The following MECOM variants were observed in gnomAD, a reference collection of about 807,000 sequenced individuals.
MECOM encodes histone-lysine N-methyltransferase MECOM.
Under a neutral mutation model 116.3 loss-of-function variants are expected in MECOM, and 13 were observed. The observed-to-expected ratio is 0.11, with a 90% CI of 0.07 to 0.18. The LOEUF is 0.18. MECOM is among the 10% of genes least tolerant of loss of function. The pLI, the probability that MECOM is intolerant of heterozygous loss-of-function variation, is 1.00. For missense variants in MECOM, 1,299 were observed against 1,509.0 expected (o/e 0.86, Z 2.31); for synonymous variants, 528 against 535.2 (o/e 0.99, Z 0.19).
chr3:169,458,323 T>C (rs752599078), intron 1 of MECOM, among the ~76,000 whole-genome samples: 3 of 152,224 alleles, frequency 2.0e-5, no homozygotes, highest in Non-Finnish European at 2.9e-5. Flanking sequence ...TAAGCATATA[T>C]AGCTGTGGTG....
chr3:169,660,848 G>T (rs1776190358), intron 1 of MECOM, among the ~76,000 whole-genome samples: 2 of 152,192 alleles, frequency 1.3e-5, no homozygotes, highest in South Asian at 4.1e-4. Context: ...TGTAACTGAA[G>T]AATTGCAACG....
chr3:169,348,025 T>A (rs1725663373), intron 2 of MECOM, among the ~76,000 whole-genome samples: 1 of 152,130 alleles, frequency 6.6e-6, no homozygotes, highest in South Asian at 2.1e-4. Flanking sequence ...AATGGGCGAT[T>A]ATTTCTCTGC....
intron 1 of MECOM, among the ~76,000 whole-genome samples, chr3:169,434,875 C>T (rs12496329): frequency 0.5 from 75,864 of 152,008 alleles, 19,557 homozygotes; most frequent in East Asian, 0.83. Context: ...CAAGGAGTTT[C>T]TCAAATTTAA....
intron 1 of MECOM, among the ~76,000 whole-genome samples, chr3:169,644,358 G>A (rs1325275653): frequency 1.3e-5 from 2 of 152,058 alleles, no homozygotes; most frequent in Non-Finnish European, 2.9e-5. Flanking sequence ...CTGGATTCAA[G>A]CGATTCTCTT....
intron 2 of MECOM, 103 bp downstream of exon 2, chr3:169,381,084 C>A (rs1732309864): frequency 2.0e-6 from 2 of 1,023,070 alleles, no homozygotes; most frequent in Non-Finnish European, 2.8e-6. Context: ...CTGTTGAAAA[C>A]ATATTGTAAC....
intron 1 of MECOM, among the ~76,000 whole-genome samples, chr3:169,443,898 T>A (rs1744159848): frequency 6.6e-6 from 1 of 152,166 alleles, no homozygotes; most frequent in African/African-American, 2.4e-5. Flanking sequence ...CAGTTAGCTC[T>A]GGCTCCTCCA....
At chr3:169,307,095 A>G (rs1717857154) in intron 2 of MECOM, among the ~76,000 whole-genome samples, 2 of 152,304 alleles carry the variant, frequency 1.3e-5, no homozygotes, top group South Asian at 4.1e-4. Flanking sequence ...TTGATATTTC[A>G]TATCATTGGG....
chr3:169,379,850 A>G (rs1050940427), intron 2 of MECOM, among the ~76,000 whole-genome samples: 1 of 152,144 alleles, frequency 6.6e-6, no homozygotes, highest in African/African-American at 2.4e-5. Context: ...TTGGTTTAAA[A>G]CGTATTCAAC....
chr3:169,492,061 A>G (rs941773408), intron 1 of MECOM, among the ~76,000 whole-genome samples: 1 of 152,228 alleles, frequency 6.6e-6, no homozygotes, highest in Non-Finnish European at 1.5e-5. Context: ...AGTTTGGTAC[A>G]TTAGTATTGT....
chr3:169,543,863 A>G (rs928670705), intron 1 of MECOM, among the ~76,000 whole-genome samples: 1 of 152,128 alleles, frequency 6.6e-6, no homozygotes, highest in Admixed American at 6.5e-5. Flanking sequence ...TCAGTTTTCA[A>G]TAAGCTGCTG....
At chr3:169,483,882 C>G in intron 1 of MECOM, 1 of 1,610,582 alleles carries the variant, frequency 6.2e-7, no homozygotes, top group Admixed American at 1.7e-5. Flanking sequence ...GGTCACCACC[C>G]CTCCACCAAG....
At chr3:169,580,201 AAT>A (rs1333164527) in intron 1 of MECOM, among the ~76,000 whole-genome samples, 1 of 152,190 alleles carries the variant, frequency 6.6e-6, no homozygotes, top group African/African-American at 2.4e-5. Flanking sequence ...GGCGTCGAAC[AAT>A]GCTTTCAGTT....
At chr3:169,490,429 C>G (rs1752942217) in intron 1 of MECOM, among the ~76,000 whole-genome samples, 1 of 152,100 alleles carries the variant, frequency 6.6e-6, no homozygotes, top group Non-Finnish European at 1.5e-5. Context: ...AACAGAAAAG[C>G]AGAAACAACT....
chr3:169,186,733 C>T (rs919161444), intron 2 of MECOM, among the ~76,000 whole-genome samples: 15 of 152,058 alleles, frequency 9.9e-5, no homozygotes, highest in South Asian at 4.2e-4. Flanking sequence ...TGCTAACTAA[C>T]GAACCTTGAC....
chr3:169,586,706 C>T (rs768654140), intron 1 of MECOM, among the ~76,000 whole-genome samples: 1 of 152,216 alleles, frequency 6.6e-6, no homozygotes, highest in Non-Finnish European at 1.5e-5. Flanking sequence ...CTTACCCAGA[C>T]AGGAGACTGA....
Position 169,283,414 on chromosome 3 carries a change from C to CAA in MECOM, c.375+97771_375+97772dup, listed in dbSNP as rs59862177. Among the ~76,000 whole-genome samples, 378 of 143,404 alleles carry CAA rather than the reference C, an allele frequency of 2.6e-3. 1 individual carries two copies. Among genetic ancestry groups the CAA allele is most frequent in the African/African-American group, 8.6e-3 (345 of 40,258 alleles). The allele number at this position is 143,404 out of a possible 152,430, so 94.1% of individuals were successfully genotyped here. On this transcript the variant is annotated intron_variant, in intron 2 of 16. Transcript: ENST00000651503. ...CTGGTGACAGAACAAGACCCCATCT[C>CAA]AAAAAAAAAAGAGATAATTATTTGT...
intron 3 of MECOM, among the ~76,000 whole-genome samples, chr3:169,135,680 C>G (rs1024271312): frequency 2.0e-5 from 3 of 151,834 alleles, no homozygotes; most frequent in Admixed American, 1.3e-4. Context: ...ATGGTTTTTT[C>G]ATTTTATCAC....
chr3:169,249,811 G>T (rs73879039), intron 2 of MECOM, among the ~76,000 whole-genome samples: 2,235 of 152,142 alleles, frequency 0.015, 56 homozygotes, highest in African/African-American at 0.051. Context: ...GGCCCTCAGG[G>T]GTTACTGGTA....
At chr3:169,614,848 G>T (rs1184586282) in intron 1 of MECOM, 1 of 152,204 alleles carries the variant, frequency 6.6e-6, no homozygotes, top group African/African-American at 2.4e-5. Context: ...CCTCTTTTTG[G>T]GTTATACTGC....
Sources: allele counts gnomAD v4.1 joint callset (sites outside exome capture counted in the v4.1 genomes callset), GRCh38; gene constraint gnomAD v4.1.1; transcripts MANE v1.5; gene names NCBI Gene and HGNC (gene_info 2026-07-23, HGNC 2026-07-21).